The following LRRC8A variants were observed in gnomAD, a reference collection of about 807,000 sequenced individuals.
LRRC8A encodes the protein leucine rich repeat containing 8 VRAC subunit A, also known as volume-regulated anion channel subunit LRRC8A.
A neutral mutation model predicts 52.5 loss-of-function variants in LRRC8A; 24 were observed. That is an observed-to-expected ratio of 0.46 (90% CI 0.33 to 0.64). LRRC8A has a LOEUF of 0.64. LRRC8A is among the 30% of genes least tolerant of loss of function. The probability of loss-of-function intolerance (pLI) is 0.02; values close to 1 mark genes in which losing one functional copy is unlikely to be tolerated. For synonymous variants in LRRC8A, 492 were observed against 494.2 expected (o/e 1.00, Z 0.06); for missense variants, 677 against 1,094.7 (o/e 0.62, Z 5.38).
rs1012628926 is a variant in LRRC8A, at chr9:128,911,727, G to A, written c.2157+2406G>A. On this transcript the variant is annotated intron_variant, in intron 3 of 3. Coordinates refer to ENST00000372600, the MANE Select transcript of LRRC8A (RefSeq NM_019594.4). The surrounding 1 kb of genome is among the most constrained non-coding windows in gnomAD (Gnocchi z 4.9). Reference sequence around the variant, plus strand: ...GTCACCCCTCAGGAAAGGAGCTGGCGGCAAGCACGCTGTCCCAGAGGAAGG... The same window carrying A: ...GTCACCCCTCAGGAAAGGAGCTGGCAGCAAGCACGCTGTCCCAGAGGAAGG... 1.3e-5 allele frequency among the ~76,000 whole-genome samples: 2 copies of A among 152,178 alleles called. No homozygotes were observed. Among genetic ancestry groups the A allele is most frequent in the African/African-American group, 4.8e-5 (2 of 41,442 alleles).
At chr9:128,909,365 C>T (rs147652666) in intron 3 of LRRC8A, 44 bp downstream of exon 3, 2 of 1,581,882 alleles carry the variant, frequency 1.3e-6, no homozygotes, top group Non-Finnish European at 8.6e-7. Context: ...TGGCGGGTGG[C>T]CTGGCCAGGG....
At position 128,902,076 on chromosome 9, in the gene LRRC8A, TCCAGGC is replaced by T. The variant is rs1840049090; in HGVS notation, c.-8-5078_-8-5073del. Among the ~76,000 whole-genome samples the T allele has an allele frequency of 6.6e-5, 10 of 152,298 alleles. 1 individual carries two copies. In the South Asian group the frequency reaches 2.1e-3, roughly 32 times the overall value. ...GGGCCAGGCCTGTGAGAGACTCCAGTCCAGGCCCTTCTCAGCTCTGCAGCCAGCCCC... is the reference window on the plus strand; with the variant it reads ...GGGCCAGGCCTGTGAGAGACTCCAGTCCTTCTCAGCTCTGCAGCCAGCCCC... On this transcript the variant is annotated intron_variant, in intron 2 of 3. Transcript: ENST00000372600. The surrounding 1 kb of genome is among the most constrained non-coding windows in gnomAD (Gnocchi z 4.1).
intron 1 of LRRC8A, among the ~76,000 whole-genome samples, chr9:128,884,617 G>T (rs1190672039): frequency 6.6e-6 from 1 of 152,152 alleles, no homozygotes; most frequent in Non-Finnish European, 1.5e-5. Context: ...GGTTATGTAG[G>T]GGGTGGTCAG....
Position 128,885,841 on chromosome 9 carries a change from G to A in LRRC8A, c.-115-174G>A, listed in dbSNP as rs12000267. The stretch of plus-strand genomic sequence containing the variant: ...GGAGAATCACTTGAATGCGGGAGGC[G>A]GAGGTTGCAGTGAACCGAGATTGCA... On this transcript the variant is annotated intron_variant, in intron 1 of 3. Transcript: ENST00000372600. Among the ~76,000 whole-genome samples the A allele has an allele frequency of 7.4e-3, 1,119 of 152,188 alleles. 7 individuals carry two copies. The highest frequency in any genetic ancestry group is 0.019 in the African/African-American group (781 of 41,508).
At chr9:128,914,904 C>T (rs1840740506) in intron 3 of LRRC8A, among the ~76,000 whole-genome samples, 1 of 152,212 alleles carries the variant, frequency 6.6e-6, no homozygotes, top group African/African-American at 2.4e-5. Context: ...CTGCAGCCCC[C>T]TGTTTGCTCC....
chr9:128,916,138 C>T lies in LRRC8A; in HGVS notation c.2200C>T (p.Arg734Trp), dbSNP rs1412241773. The T allele has an allele frequency of 6.2e-7, 1 of 1,612,636 alleles. No homozygotes were observed. Among genetic ancestry groups the T allele is most frequent in the Non-Finnish European group, 8.5e-7 (1 of 1,179,316 alleles). Residue 734 changes from arginine to tryptophan, a missense_variant, in exon 4 of 4, where the codon CGG (arginine) becomes TGG (tryptophan). This residue lies in a region of LRRC8A where 169 missense variants were observed against 217.6 expected (regional missense o/e 0.78). Transcript: ENST00000372600. This position sits in a 1 kb window ranked among gnomAD's most constrained non-coding sequence, Gnocchi z 6.1. The stretch of plus-strand genomic sequence containing the variant: ...GGAGCTCTTCCAGTGCCGGAAGCTG[C>T]GGGCCCTGCACCTGGGCAACAACGT... ...PPELFQCRKL[R>W]ALHLGNNVLQ...
intron 2 of LRRC8A, among the ~76,000 whole-genome samples, chr9:128,904,316 C>T (rs183314825): frequency 6.6e-6 from 1 of 151,970 alleles, no homozygotes; most frequent in Non-Finnish European, 1.5e-5. Context: ...GTCAGGAGTT[C>T]GAGACCAGCC....
At chr9:128,884,156 C>T (rs980062060) in intron 1 of LRRC8A, among the ~76,000 whole-genome samples, 1 of 152,156 alleles carries the variant, frequency 6.6e-6, no homozygotes, top group African/African-American at 2.4e-5. Flanking sequence ...TGCCGTGGGT[C>T]AGAACTCAGG....
rs552937936 is a variant in LRRC8A, at chr9:128,902,737, C to T, written c.-8-4420C>T. ...GTGTGATTCAGAAGCTCTCCCAGTG[C>T]CACTTTCTTTCCCAGCAGTGTAGGT... On this transcript the variant is annotated intron_variant, in intron 2 of 3. Coordinates refer to ENST00000372600, the MANE Select transcript of LRRC8A (RefSeq NM_019594.4). The surrounding 1 kb of genome is among the most constrained non-coding windows in gnomAD (Gnocchi z 4.1). Among the ~76,000 whole-genome samples, 6 of 152,272 alleles carry T rather than the reference C, an allele frequency of 3.9e-5. No homozygotes were observed. The South Asian group carries it at 1.0e-3, about 26-fold the overall frequency.
chr9:128,894,643 A>T (rs1839752938), intron 2 of LRRC8A, among the ~76,000 whole-genome samples: 1 of 150,952 alleles, frequency 6.6e-6, no homozygotes, highest in African/African-American at 2.4e-5. Flanking sequence ...AAATACAAAA[A>T]TTAGCCAGGA....
intron 2 of LRRC8A, among the ~76,000 whole-genome samples, chr9:128,894,078 G>A (rs1839726893): frequency 6.6e-6 from 1 of 151,848 alleles, no homozygotes; most frequent in African/African-American, 2.4e-5. Flanking sequence ...ACGGGGTTTC[G>A]CCATGTTGGC....
chr9:128,886,789 T>C (rs1588194883), intron 2 of LRRC8A, among the ~76,000 whole-genome samples: 1 of 152,150 alleles, frequency 6.6e-6, no homozygotes, highest in South Asian at 2.1e-4. Flanking sequence ...TCATAGCTGG[T>C]GTGTGTATAG....
At chr9:128,909,405 GT>G (rs1408388754) in intron 3 of LRRC8A, 84 bp downstream of exon 3, 8 of 1,350,562 alleles carry the variant, frequency 5.9e-6, no homozygotes, top group Non-Finnish European at 8.2e-6. Flanking sequence ...CAGGCTCAGT[GT>G]CCTGGGACCG....
At position 128,916,492 on chromosome 9, in the gene LRRC8A, G is replaced by C. The variant is rs1208544025; in HGVS notation, c.*121G>C. On this transcript the variant is annotated 3_prime_UTR_variant, in exon 4 of 4. Coordinates refer to ENST00000372600, the MANE Select transcript of LRRC8A (RefSeq NM_019594.4). The surrounding 1 kb of genome is among the most constrained non-coding windows in gnomAD (Gnocchi z 6.1). ...AGGACAGCCTCGTGGCTGGGCAGGA[G>C]CCTGGGGCCGCTTGTGAGTCAGGCC... 3 of 1,268,038 alleles carry C rather than the reference G, an allele frequency of 2.4e-6. No individual in the cohort carries two copies. In the Admixed American group the frequency reaches 8.2e-5, roughly 35 times the overall value. 78.5% of individuals were successfully genotyped at this position (1,268,038 alleles called of 1,614,324 possible). A position where few individuals can be genotyped will look rare whatever the true frequency, so the allele number is the denominator to read the frequency against.
intron 1 of LRRC8A, 194 bp downstream of exon 1, chr9:128,882,444 A>C: frequency 2.9e-6 from 1 of 340,716 alleles, no homozygotes; most frequent in Non-Finnish European, 5.3e-6. Flanking sequence ...CCGGGGCACC[A>C]CCTTCTCGCC....
intron 2 of LRRC8A, among the ~76,000 whole-genome samples, chr9:128,904,800 C>A (rs542574476): frequency 2.6e-5 from 4 of 152,038 alleles, no homozygotes; most frequent in East Asian, 1.9e-4. Flanking sequence ...CGAGACCATC[C>A]TGGCTAACAC....
At chr9:128,898,167 T>C (rs1298099255) in intron 2 of LRRC8A, among the ~76,000 whole-genome samples, 1 of 152,124 alleles carries the variant, frequency 6.6e-6, no homozygotes, top group Non-Finnish European at 1.5e-5. Context: ...TGTTTTGTTC[T>C]AATGCACTTT....
At position 128,902,094 on chromosome 9, in the gene LRRC8A, C is replaced by T. The variant is rs1840049734; in HGVS notation, c.-8-5063C>T. ...ACTCCAGTCCAGGCCCTTCTCAGCT[C>T]TGCAGCCAGCCCCAGGCTCTGCCAT... On this transcript the variant is annotated intron_variant, in intron 2 of 3. Transcript: ENST00000372600. This position sits in a 1 kb window ranked among gnomAD's most constrained non-coding sequence, Gnocchi z 4.1. 6.6e-6 allele frequency among the ~76,000 whole-genome samples: 1 copy of T among 152,246 alleles called. No individual in the cohort carries two copies. Among genetic ancestry groups the T allele is most frequent in the Admixed American group, 6.5e-5 (1 of 15,288 alleles).
rs773919275 is a variant in LRRC8A at position 128,911,831 on chromosome 9, G to C, written c.2157+2510G>C. On this transcript the variant is annotated intron_variant, in intron 3 of 3. Coordinates refer to ENST00000372600, the MANE Select transcript of LRRC8A (RefSeq NM_019594.4). The surrounding 1 kb of genome is among the most constrained non-coding windows in gnomAD (Gnocchi z 4.9). ...CCCCTGGAACACCAGAGCCTTAATAGGGAAAACAGTTCACTTGGGCCAACC... is the reference window on the plus strand; with the variant it reads ...CCCCTGGAACACCAGAGCCTTAATACGGAAAACAGTTCACTTGGGCCAACC... 6.6e-6 allele frequency among the ~76,000 whole-genome samples: 1 copy of C among 152,190 alleles called. No homozygotes were observed. The highest frequency in any genetic ancestry group is 1.5e-5 in the Non-Finnish European group (1 of 68,012).
Sources: gnomAD v4.1 joint callset for allele counts (sites outside exome capture counted in the v4.1 genomes callset) on GRCh38, gnomAD v4.1.1 for gene constraint, gnomAD v4.1.1 regional missense constraint, Gnocchi (gnomAD v3.1) non-coding constraint, MANE v1.5 for transcripts, NCBI Gene and HGNC (gene_info 2026-07-23, HGNC 2026-07-21) for gene names.